Variants in NFIA observed in about 807,000 individuals in gnomAD.
NFIA encodes the protein nuclear factor 1 A-type.
A neutral mutation model predicts 62.8 loss-of-function variants in NFIA; 8 were observed. That is an observed-to-expected ratio of 0.13 (90% CI 0.07 to 0.23). The LOEUF is 0.23. Among genes scored for constraint, NFIA ranks in the 10% least tolerant of loss-of-function variants. The pLI, the probability that NFIA is intolerant of heterozygous loss-of-function variation, is 1.00. For synonymous variants in NFIA, 235 were observed against 238.1 expected (o/e 0.99, Z 0.12); for missense variants, 410 against 642.1 (o/e 0.64, Z 3.91).
At chr1:61,083,775 A>G (rs1012021892) in intron 1 of NFIA, among the ~76,000 whole-genome samples, 54 of 149,444 alleles carry the variant, frequency 3.6e-4, no homozygotes, top group East Asian at 6.1e-4. Context: ...CGCCGCCGCC[A>G]CCACCACCAC....
At chr1:61,129,432 C>T (rs1391896815) in intron 2 of NFIA, among the ~76,000 whole-genome samples, 6 of 145,562 alleles carry the variant, frequency 4.1e-5, no homozygotes, top group Non-Finnish European at 8.9e-5. Flanking sequence ...TGACAATAGT[C>T]GTGATACTTT....
chr1:61,184,298 G>A (rs1416863335), intron 2 of NFIA, among the ~76,000 whole-genome samples: 1 of 152,278 alleles, frequency 6.6e-6, no homozygotes, highest in African/African-American at 2.4e-5. Context: ...GTATTTACTC[G>A]GCCGCAGCCA....
intron 10 of NFIA, among the ~76,000 whole-genome samples, chr1:61,446,037 A>AGAG (rs1667794805): frequency 6.6e-6 from 1 of 152,040 alleles, no homozygotes; most frequent in Non-Finnish European, 1.5e-5. Flanking sequence ...GAAAAAAAAA[A>AGAG]TGATTCCTGG....
rs2100530978 is a variant in NFIA at position 61,157,762 on chromosome 1, T to C, written c.559+69082T>C. On this transcript the variant is annotated intron_variant, in intron 2 of 10. Coordinates refer to ENST00000403491, the MANE Select transcript of NFIA (RefSeq NM_001134673.4). ...TCCTTCAGACCAACCACATAGCTTC[T>C]CTGCTGACCACAAAAAGGAAGCTTG... Among the ~76,000 whole-genome samples, 2 of 152,278 alleles carry C rather than the reference T, an allele frequency of 1.3e-5. 1 individual carries two copies. Among genetic ancestry groups the C allele is most frequent in the South Asian group, 4.1e-4 (2 of 4,824 alleles).
At chr1:61,395,126 A>G (rs1665198787) in intron 7 of NFIA, among the ~76,000 whole-genome samples, 1 of 151,536 alleles carries the variant, frequency 6.6e-6, no homozygotes, top group African/African-American at 2.4e-5. Context: ...GAGAGAGAGA[A>G]AAGTAGCCTA....
Position 61,453,528 on chromosome 1 carries a change from G to A in NFIA, c.1513-1775G>A, listed in dbSNP as rs117450656. Reference sequence around the variant, plus strand: ...GATTTTTGTAGTGCCCTGAGGTCTCGTCCAGAAACTGTGGTGTGGAGAACT... The same window carrying A: ...GATTTTTGTAGTGCCCTGAGGTCTCATCCAGAAACTGTGGTGTGGAGAACT... On this transcript the variant is annotated intron_variant, in intron 10 of 10. Coordinates refer to ENST00000403491, the MANE Select transcript of NFIA (RefSeq NM_001134673.4). Among the ~76,000 whole-genome samples the A allele has an allele frequency of 1.7e-4, 23 of 136,602 alleles. No homozygotes were observed. The East Asian group carries it at 4.4e-3, about 26-fold the overall frequency. 89.6% of individuals were successfully genotyped at this position (136,602 alleles called of 152,430 possible). A position where few individuals can be genotyped will look rare whatever the true frequency, so the allele number is the denominator to read the frequency against.
chr1:61,359,007 C>A (rs1663136280), intron 5 of NFIA, 140 bp from the exon 6 acceptor site: 2 of 1,201,918 alleles, frequency 1.7e-6, no homozygotes, highest in Non-Finnish European at 1.2e-6. Context: ...CCAGACTGAA[C>A]AGAAGTTTAA....
chr1:61,109,927 AT>A (rs1052458187), intron 2 of NFIA, among the ~76,000 whole-genome samples: 4 of 151,976 alleles, frequency 2.6e-5, no homozygotes, highest in Admixed American at 2.6e-4. Flanking sequence ...ATTTTATGTT[AT>A]ACAATTTAAG....
chr1:61,155,666 C>G (rs1299339672), intron 2 of NFIA, among the ~76,000 whole-genome samples: 5 of 102,426 alleles, frequency 4.9e-5, no homozygotes, highest in Non-Finnish European at 7.5e-5. Flanking sequence ...GGCGACAGAG[C>G]GAGACTCCAT....
At chr1:61,108,749 A>G (rs996564098) in intron 2 of NFIA, among the ~76,000 whole-genome samples, 12 of 151,728 alleles carry the variant, frequency 7.9e-5, no homozygotes, top group Non-Finnish European at 3.0e-5. Context: ...GAGAAAGGAC[A>G]AGACCTGACC....
chr1:61,164,973 G>A (rs1649475128), intron 2 of NFIA, among the ~76,000 whole-genome samples: 1 of 152,184 alleles, frequency 6.6e-6, no homozygotes, highest in Non-Finnish European at 1.5e-5. Flanking sequence ...GTGGAAAGGA[G>A]GAGGGTCGGA....
rs576995881 is a variant in NFIA at position 61,284,478 on chromosome 1, TG to T, written c.625+6898del. Among the ~76,000 whole-genome samples, 312 of 150,504 alleles carry T rather than the reference TG, an allele frequency of 2.1e-3. 2 individuals carry two copies. The highest frequency in any genetic ancestry group is 3.7e-3 in the Non-Finnish European group (249 of 67,880). ...TGAAAGATGAGGTGCCATCCTAGGC[TG>T]GGGGCTTCCCCAAGTGCATGACGCA... On this transcript the variant is annotated intron_variant, in intron 3 of 10. Transcript: ENST00000403491.
intron 3 of NFIA, among the ~76,000 whole-genome samples, chr1:61,329,380 A>T (rs1570588258): frequency 7.3e-6 from 1 of 136,400 alleles, no homozygotes; most frequent in East Asian, 2.2e-4. Flanking sequence ...TTTTTAAAGT[A>T]ATTTTTTTTT....
At chr1:61,349,444 C>G (rs1662429470) in intron 4 of NFIA, among the ~76,000 whole-genome samples, 1 of 152,196 alleles carries the variant, frequency 6.6e-6, no homozygotes, top group South Asian at 2.1e-4. Flanking sequence ...TCCCTCGATT[C>G]CATAGTTCCA....
chr1:61,402,896 G>C (rs183156431), intron 7 of NFIA, among the ~76,000 whole-genome samples: 1 of 152,292 alleles, frequency 6.6e-6, no homozygotes, highest in Non-Finnish European at 1.5e-5. Flanking sequence ...CCCCAATCAT[G>C]AGGAGATCCC....
chr1:61,208,746 C>T (rs1025229047), intron 2 of NFIA, among the ~76,000 whole-genome samples: 22 of 152,078 alleles, frequency 1.4e-4, no homozygotes, highest in African/African-American at 4.6e-4. Context: ...GGCATTTCTT[C>T]CTACTGTTAA....
chr1:61,413,315 T>A (rs1666189467), intron 9 of NFIA, among the ~76,000 whole-genome samples: 1 of 152,208 alleles, frequency 6.6e-6, no homozygotes, highest in Admixed American at 6.5e-5. Context: ...CGTATAATAA[T>A]TAACATGTGT....
upstream of NFIA, chr1:61,081,822 C>G (rs1646099179): frequency 1.3e-6 from 2 of 1,489,272 alleles, no homozygotes; most frequent in South Asian, 2.5e-5. Context: ...TTACCTCTGC[C>G]GACGAATCTA....
intron 2 of NFIA, among the ~76,000 whole-genome samples, chr1:61,270,252 A>T (rs1657425229): frequency 6.6e-6 from 1 of 152,214 alleles, no homozygotes; most frequent in Non-Finnish European, 1.5e-5. Flanking sequence ...ACCACACAAC[A>T]TCCTGTTAAG....
Sources: gnomAD v4.1 joint callset for allele counts (sites outside exome capture counted in the v4.1 genomes callset) on GRCh38, gnomAD v4.1.1 for gene constraint, MANE v1.5 for transcripts, NCBI Gene and HGNC (gene_info 2026-07-23, HGNC 2026-07-21) for gene names.